The following RABGAP1 variants were observed in gnomAD, a reference collection of about 807,000 sequenced individuals.
RABGAP1 encodes the protein RAB GTPase activating protein 1.
Under a neutral mutation model 137.6 loss-of-function variants are expected in RABGAP1, and 23 were observed. That is an observed-to-expected ratio of 0.17 (90% CI 0.12 to 0.24). The LOEUF (loss-of-function observed/expected upper bound fraction) is 0.24, where lower values mean the gene tolerates loss of function less well. Among genes scored for constraint, RABGAP1 ranks in the 10% least tolerant of loss-of-function variants. The pLI, the probability that RABGAP1 is intolerant of heterozygous loss-of-function variation, is 1.00. For synonymous variants in RABGAP1, 451 were observed against 450.7 expected, an observed-to-expected ratio of 1.00 and a Z score of -0.01; for missense variants, 906 against 1,275.8, an observed-to-expected ratio of 0.71 and a Z score of 4.42.
At chr9:123,098,571 G>A in intron 22 of RABGAP1, 144 bp from the exon 23 acceptor site, 2 of 626,526 alleles carry the variant, frequency 3.2e-6, no homozygotes, top group Non-Finnish European at 5.6e-6. Context: ...GTGCTGCCAA[G>A]ATTGAAGGAA....
chr9:122,936,172 T>C (rs1009850509), upstream of RABGAP1, among the ~76,000 whole-genome samples: 5 of 152,196 alleles, frequency 3.3e-5, no homozygotes, highest in Admixed American at 2.6e-4. Flanking sequence ...ATGTTGTTAA[T>C]AGAGTTTGGA....
intron 10 of RABGAP1, among the ~76,000 whole-genome samples, chr9:123,006,289 C>T (rs1192953108): frequency 6.6e-6 from 1 of 152,144 alleles, no homozygotes; most frequent in Non-Finnish European, 1.5e-5. Context: ...AAAAAGAATA[C>T]ACTCTTCTGT....
intron 2 of RABGAP1, among the ~76,000 whole-genome samples, chr9:122,973,001 T>C (rs1379786705): frequency 2.0e-5 from 3 of 148,302 alleles, no homozygotes; most frequent in Non-Finnish European, 4.5e-5. Flanking sequence ...TACATAGAGG[T>C]ATATTTCTTT....
intron 12 of RABGAP1, among the ~76,000 whole-genome samples, chr9:123,017,600 A>C (rs1380453261): frequency 6.6e-6 from 1 of 152,144 alleles, no homozygotes; most frequent in African/African-American, 2.4e-5. Context: ...TACCTCTCCT[A>C]CTTTTAAGCT....
chr9:122,958,718 T>C (rs1564359656), intron 2 of RABGAP1, among the ~76,000 whole-genome samples: 1 of 152,136 alleles, frequency 6.6e-6, no homozygotes, highest in Non-Finnish European at 1.5e-5. Flanking sequence ...TGTCAAAATT[T>C]TGAAAACTTG....
chr9:123,035,323 G>T (rs1230066529), intron 13 of RABGAP1: 1 of 1,614,132 alleles, frequency 6.2e-7, no homozygotes, highest in Admixed American at 1.7e-5. Context: ...CTATGCCATG[G>T]TCCTGTTTCG....
chr9:122,950,083 CAATA>C (rs1588154864), intron 1 of RABGAP1, among the ~76,000 whole-genome samples: 1 of 151,912 alleles, frequency 6.6e-6, no homozygotes, highest in Non-Finnish European at 1.5e-5. Flanking sequence ...CAGTCAGGAG[CAATA>C]AATAGTTTTG....
At chr9:122,950,983 GGTGGAA>G (rs1834214559) in intron 1 of RABGAP1, among the ~76,000 whole-genome samples, 1 of 152,164 alleles carries the variant, frequency 6.6e-6, no homozygotes, top group Non-Finnish European at 1.5e-5. Flanking sequence ...TACTTCAGCA[GGTGGAA>G]GTAAGAAATA....
At chr9:123,006,258 C>G (rs549097253) in intron 10 of RABGAP1, among the ~76,000 whole-genome samples, 1 of 152,270 alleles carries the variant, frequency 6.6e-6, no homozygotes, top group South Asian at 2.1e-4. Flanking sequence ...GTTAGAAAGG[C>G]TTTCCTAACT....
intron 9 of RABGAP1, among the ~76,000 whole-genome samples, chr9:122,998,076 T>C (rs1837128353): frequency 6.6e-6 from 1 of 151,516 alleles, no homozygotes; most frequent in South Asian, 2.1e-4. Context: ...GTGGTGTTTT[T>C]GTTTTATTTT....
intron 13 of RABGAP1, among the ~76,000 whole-genome samples, chr9:123,031,096 T>G (rs2032272853): frequency 6.6e-6 from 1 of 152,208 alleles, no homozygotes; most frequent in Non-Finnish European, 1.5e-5. Context: ...TTTATAAATT[T>G]TGAATTCTTT....
chr9:123,087,824 A>G (rs1291730267), intron 19 of RABGAP1, among the ~76,000 whole-genome samples: 2 of 152,180 alleles, frequency 1.3e-5, no homozygotes, highest in Non-Finnish European at 2.9e-5. Context: ...TCCCACTGAG[A>G]GCGTCTGGAG....
At chr9:123,029,340 G>A in intron 13 of RABGAP1, 1 of 761,676 alleles carries the variant, frequency 1.3e-6, no homozygotes, top group Admixed American at 2.3e-5. Flanking sequence ...ACTTAATAAA[G>A]TTTTATTTTT....
At chr9:123,082,265 A>G (rs1471757137) in intron 19 of RABGAP1, among the ~76,000 whole-genome samples, 1 of 152,104 alleles carries the variant, frequency 6.6e-6, no homozygotes, top group Non-Finnish European at 1.5e-5. Context: ...TTAACAGTGT[A>G]CCTTAGAACT....
chr9:122,952,780 T>A (rs1834320266), intron 1 of RABGAP1, among the ~76,000 whole-genome samples: 1 of 152,182 alleles, frequency 6.6e-6, no homozygotes, highest in South Asian at 2.1e-4. Context: ...ACCTGCCCTG[T>A]TGGTAATTGG....
intron 9 of RABGAP1, 117 bp from the exon 10 acceptor site, chr9:122,998,480 G>A (rs867863716): frequency 1.2e-6 from 1 of 813,752 alleles, no homozygotes; most frequent in Middle Eastern, 2.9e-4. Flanking sequence ...TTAATTGATG[G>A]TTCACTTAAG....
intron 19 of RABGAP1, among the ~76,000 whole-genome samples, chr9:123,080,799 A>G (rs1284214074): frequency 6.6e-6 from 1 of 152,176 alleles, no homozygotes; most frequent in African/African-American, 2.4e-5. Flanking sequence ...TCTGCAACTC[A>G]CTGAAATCTC....
At chr9:123,054,782 A>G (rs925965739) in intron 13 of RABGAP1, among the ~76,000 whole-genome samples, 1 of 152,034 alleles carries the variant, frequency 6.6e-6, no homozygotes, top group African/African-American at 2.4e-5. Context: ...CTGCTCAGAT[A>G]TTTTGTAGAA....
intron 21 of RABGAP1, among the ~76,000 whole-genome samples, chr9:123,093,315 C>T (rs868447473): frequency 1.3e-5 from 2 of 152,302 alleles, no homozygotes; most frequent in Middle Eastern, 6.8e-3. Context: ...TCCTCGGTGA[C>T]CCCAATCAAG....
Sources: allele counts gnomAD v4.1 joint callset (sites outside exome capture counted in the v4.1 genomes callset), GRCh38; gene constraint gnomAD v4.1.1; transcripts MANE v1.5; gene names NCBI Gene and HGNC (gene_info 2026-07-23, HGNC 2026-07-21).